The following HHIPL1 variants were observed in gnomAD, a reference collection of about 807,000 sequenced individuals.
HHIPL1 encodes HHIP like 1, also known as HHIP-like protein 1.
Under a neutral mutation model 61.8 loss-of-function variants are expected in HHIPL1, and 43 were observed. That is an observed-to-expected ratio of 0.70 (90% CI 0.55 to 0.90). The LOEUF (loss-of-function observed/expected upper bound fraction) is 0.90, where lower values mean the gene tolerates loss of function less well. Among genes scored for constraint, HHIPL1 ranks in the 40% least tolerant of loss-of-function variants. The pLI is 0.00. For synonymous variants in HHIPL1, 482 were observed against 515.8 expected (o/e 0.93, Z 0.89); for missense variants, 1,056 against 1,157.7 (o/e 0.91, Z 1.28).
At chr14:99,612,264 A>G in the HHIPL1 span, among the ~76,000 whole-genome samples, 2 of 152,126 alleles carry the variant, frequency 1.3e-5, no homozygotes, top group African/African-American at 4.8e-5. Context: ...TGCCCTTATG[A>G]TTCAACTATC....
chr14:99,640,877 CTTTTT>C (rs59137552), upstream of HHIPL1, among the ~76,000 whole-genome samples: 11 of 69,856 alleles, frequency 1.6e-4, no homozygotes, highest in African/African-American at 4.0e-4. Context: ...ACTTCTTCTT[CTTTTT>C]TTTTTTTTTT....
At chr14:99,658,549 AAAAG>A (rs1417849365) in intron 3 of HHIPL1, among the ~76,000 whole-genome samples, 2 of 152,206 alleles carry the variant, frequency 1.3e-5, no homozygotes, top group Non-Finnish European at 2.9e-5. Context: ...CCCTGCCTTG[AAAAG>A]CAACCCAGAG....
intron 6 of HHIPL1, among the ~76,000 whole-genome samples, chr14:99,666,415 G>A (rs533477449): frequency 6.6e-6 from 1 of 152,228 alleles, no homozygotes; most frequent in East Asian, 1.9e-4. Context: ...GGGGGCTACA[G>A]CTCCCAGCAG....
At chr14:99,661,167 G>T (rs1442553884) in intron 5 of HHIPL1, among the ~76,000 whole-genome samples, 1 of 152,092 alleles carries the variant, frequency 6.6e-6, no homozygotes, top group East Asian at 1.9e-4. Context: ...AGAGGAGAAA[G>T]CTGAGGACTA....
Position 99,652,283 on chromosome 14 carries a change from C to T in HHIPL1, c.315C>T (p.Arg105=). 6.2e-6 allele frequency: 10 copies of T among 1,613,910 alleles called. No individual in the cohort carries two copies. The highest frequency in any genetic ancestry group is 8.5e-6 in the Non-Finnish European group (10 of 1,180,016). The change falls in exon 2 of 9, where the codon CGC becomes CGT. Residue 105 remains arginine, a synonymous_variant. Coordinates refer to ENST00000330710, the MANE Select transcript of HHIPL1 (RefSeq NM_001127258.3). ...YDAEDPFTPL[R]TVPGLCQDYC... ...CCGAGGACCCATTCACGCCCCTGCG[C>T]ACGGTGCCCGGGCTCTGCCAGGATT...
rs200725591 is a variant in HHIPL1 at position 99,656,779 on chromosome 14, AAG to A, written c.903-219_903-218del. On this transcript the variant is annotated intron_variant, in intron 2 of 8. Transcript: ENST00000330710. ...GACAGAGCAACACTCTGTCTGCAAA[AAG>A]AAAAGAAAAGAAAGAAAGAAAGAAA... Among the ~76,000 whole-genome samples, 3 of 1,866 alleles carry A rather than the reference AAG, an allele frequency of 1.6e-3. No individual in the cohort carries two copies. The Non-Finnish European group carries it at 0.054, about 33-fold the overall frequency. The allele number at this position is 1,866 out of a possible 152,430, so 1.2% of individuals were successfully genotyped here. A position where few individuals can be genotyped will look rare whatever the true frequency, so the allele number is the denominator to read the frequency against.
the HHIPL1 span, among the ~76,000 whole-genome samples, chr14:99,612,497 A>C: frequency 6.6e-6 from 1 of 152,212 alleles, no homozygotes; most frequent in African/African-American, 2.4e-5. Context: ...TGTTTGTATT[A>C]ATCAAATTGA....
At chr14:99,674,686 A>G (rs1197933961) in intron 8 of HHIPL1, among the ~76,000 whole-genome samples, 1 of 152,168 alleles carries the variant, frequency 6.6e-6, no homozygotes, top group Non-Finnish European at 1.5e-5. Context: ...ACTTTCTCTT[A>G]GAAGCCTTCC....
intron 6 of HHIPL1, among the ~76,000 whole-genome samples, chr14:99,664,645 T>G (rs986763786): frequency 6.6e-6 from 1 of 152,144 alleles, no homozygotes; most frequent in African/African-American, 2.4e-5. Flanking sequence ...CTTCTCTAAT[T>G]GTTCCAACAC....
the HHIPL1 span, among the ~76,000 whole-genome samples, chr14:99,609,538 C>A: frequency 1.3e-5 from 2 of 152,222 alleles, no homozygotes; most frequent in African/African-American, 4.8e-5. Flanking sequence ...TGGGGTGGGG[C>A]CAGCCCAGAA....
chr14:99,607,263 C>T, the HHIPL1 span, among the ~76,000 whole-genome samples: 2 of 152,178 alleles, frequency 1.3e-5, no homozygotes, highest in Admixed American at 1.3e-4. Context: ...TGGTCTCAAA[C>T]TCCTGTGCTC....
rs2056396660 is a variant in HHIPL1 at position 99,676,806 on chromosome 14, G to C, written c.*1180G>C. 2 of 152,160 alleles carry C rather than the reference G, an allele frequency of 1.3e-5. No homozygotes were observed. Among genetic ancestry groups the C allele is most frequent in the African/African-American group, 4.8e-5 (2 of 41,410 alleles). 9.4% of individuals were successfully genotyped at this position (152,160 alleles called of 1,614,324 possible). ...TTCACTCCAGGGATGCTCGGCCCTG[G>C]CTCTGTGCCAGGCCGCAGAGGGGCA... On this transcript the variant is annotated 3_prime_UTR_variant, in exon 9 of 9. Transcript: ENST00000330710.
the HHIPL1 span, among the ~76,000 whole-genome samples, chr14:99,619,435 C>T: frequency 2.7e-5 from 4 of 146,652 alleles, no homozygotes; most frequent in Admixed American, 2.1e-4. Flanking sequence ...GCACTCTAGC[C>T]GGGGTGACAG....
At chr14:99,626,727 C>T in the HHIPL1 span, among the ~76,000 whole-genome samples, 1 of 152,222 alleles carries the variant, frequency 6.6e-6, no homozygotes, top group Non-Finnish European at 1.5e-5. Flanking sequence ...CTGATGTGTG[C>T]CCTGCATACT....
chr14:99,675,700 CA>C lies in HHIPL1; in HGVS notation c.*75del. 5 of 1,387,038 alleles carry C rather than the reference CA, an allele frequency of 3.6e-6. No homozygotes were observed. Among genetic ancestry groups the C allele is most frequent in the Non-Finnish European group, 4.7e-6 (5 of 1,052,684 alleles). 85.9% of individuals were successfully genotyped at this position (1,387,038 alleles called of 1,614,324 possible). The stretch of plus-strand genomic sequence containing the variant: ...GGGGCCGCTCCGCCCTGTGTGCGCC[CA>C]GCGGGTGCACACGTGTTCTAGAGTG... On this transcript the variant is annotated 3_prime_UTR_variant, in exon 9 of 9. Coordinates refer to ENST00000330710, the MANE Select transcript of HHIPL1 (RefSeq NM_001127258.3). The surrounding 1 kb of genome is among the most constrained non-coding windows in gnomAD (Gnocchi z 5.4).
chr14:99,673,767 C>CCT (rs2056353148), intron 8 of HHIPL1, among the ~76,000 whole-genome samples: 4 of 22,346 alleles, frequency 1.8e-4, no homozygotes, highest in African/African-American at 6.4e-4. Context: ...GGGGGTGGCA[C>CCT]GGAGGGGGTG....
rs377247789 is a variant in HHIPL1, at chr14:99,652,379, G to A, written c.411G>A (p.Ala137=). The A allele has an allele frequency of 8.2e-5, 132 of 1,614,194 alleles. No individual in the cohort carries two copies. The East Asian group carries it at 1.2e-3, about 14-fold the overall frequency. ...RHLSTDQELW[A]LEGNLARFCR... is the part of the protein sequence containing the mutation. ...TGTCAACTGACCAGGAGCTCTGGGC[G>A]CTGGAGGGCAACCTTGCCAGGTTCT... The change falls in exon 2 of 9, where the codon GCG becomes GCA. Residue 137 remains alanine, a synonymous_variant. Transcript: ENST00000330710.
intron 1 of HHIPL1, among the ~76,000 whole-genome samples, chr14:99,646,808 ATATGATATGATATGATATGATATG>A (rs1566804754): frequency 0.08 from 8,050 of 101,092 alleles, 320 homozygotes; most frequent in East Asian, 0.14. Context: ...ATATGATATG[ATATGATATGATATGATATGATATG>A]ATATAATATA....
chr14:99,658,723 C>G (rs1403017706), intron 3 of HHIPL1, among the ~76,000 whole-genome samples: 1 of 152,138 alleles, frequency 6.6e-6, no homozygotes, highest in Non-Finnish European at 1.5e-5. Flanking sequence ...TCCTTAGCTG[C>G]TTGGAGCTTA....
Sources: gnomAD v4.1 joint callset for allele counts (sites outside exome capture counted in the v4.1 genomes callset) on GRCh38, gnomAD v4.1.1 for gene constraint, Gnocchi (gnomAD v3.1) non-coding constraint, MANE v1.5 for transcripts, NCBI Gene and HGNC (gene_info 2026-07-23, HGNC 2026-07-21) for gene names.